The following EPM2A variants were observed in gnomAD, a reference collection of about 807,000 sequenced individuals.
EPM2A encodes the protein EPM2A glucan phosphatase, laforin.
In EPM2A, 21 loss-of-function variants were observed where a neutral mutation model predicts 26.5. That is an observed-to-expected ratio of 0.79 (90% CI 0.56 to 1.14). The LOEUF is 1.14. Among genes scored for constraint, EPM2A ranks in the 50% most tolerant of loss-of-function variants. The pLI is 0.00. For synonymous variants in EPM2A, 217 were observed against 177.6 expected (o/e 1.22, Z -1.76); for missense variants, 458 against 440.8 (o/e 1.04, Z -0.35).
chr6:145,714,558 A>G (rs189061190), intron 1 of EPM2A, among the ~76,000 whole-genome samples: 3 of 152,340 alleles, frequency 2.0e-5, no homozygotes, highest in African/African-American at 7.2e-5. Flanking sequence ...AGACAAGTGT[A>G]TTAGTCCATT....
chr6:145,658,542 T>G (rs1778456130), intron 2 of EPM2A, among the ~76,000 whole-genome samples: 1 of 152,212 alleles, frequency 6.6e-6, no homozygotes, highest in African/African-American at 2.4e-5. Flanking sequence ...CTTACTTCAG[T>G]CTTATTCTGT....
chr6:145,561,353 C>A (rs1252051920), intron 2 of EPM2A, among the ~76,000 whole-genome samples: 1 of 152,024 alleles, frequency 6.6e-6, no homozygotes, highest in African/African-American at 2.4e-5. Flanking sequence ...GACAAAATAG[C>A]CTAACAACAC....
At chr6:145,693,724 A>G (rs1279768669) in intron 1 of EPM2A, among the ~76,000 whole-genome samples, 1 of 152,050 alleles carries the variant, frequency 6.6e-6, no homozygotes, top group Non-Finnish European at 1.5e-5. Context: ...TTAAAAAGTA[A>G]ACATATAAAT....
chr6:145,447,037 T>C (rs1779136488), intron 4 of EPM2A, among the ~76,000 whole-genome samples: 1 of 152,200 alleles, frequency 6.6e-6, no homozygotes, highest in Non-Finnish European at 1.5e-5. Context: ...GTATGTTAAG[T>C]ACTCTGTATT....
At chr6:145,715,327 T>C (rs563768548) in intron 1 of EPM2A, among the ~76,000 whole-genome samples, 1 of 151,868 alleles carries the variant, frequency 6.6e-6, no homozygotes, top group South Asian at 2.1e-4. Context: ...CATATAGACA[T>C]GCCAAAGAAC....
intron 4 of EPM2A, among the ~76,000 whole-genome samples, chr6:145,486,082 G>A (rs889741645): frequency 1.3e-5 from 2 of 152,180 alleles, no homozygotes; most frequent in African/African-American, 4.8e-5. Context: ...GTGAGCTGTG[G>A]GTTGGCTGAG....
At chr6:145,532,447 G>T (rs527845227) in intron 2 of EPM2A, among the ~76,000 whole-genome samples, 215 of 152,252 alleles carry the variant, frequency 1.4e-3, no homozygotes, top group African/African-American at 4.2e-3. Flanking sequence ...TACTCATGTG[G>T]TCCTAAAACT....
chr6:145,410,201 A>T (rs548320277), intron 4 of EPM2A, among the ~76,000 whole-genome samples: 1 of 152,358 alleles, frequency 6.6e-6, no homozygotes, highest in African/African-American at 2.4e-5. Flanking sequence ...ATTGTAGAAA[A>T]GACCTAGAGG....
intron 2 of EPM2A, among the ~76,000 whole-genome samples, chr6:145,536,954 G>C (rs990116258): frequency 6.6e-6 from 1 of 152,182 alleles, no homozygotes; most frequent in Non-Finnish European, 1.5e-5. Context: ...GTTGGCATGG[G>C]AAAGCTGTAG....
intron 4 of EPM2A, chr6:145,491,856 C>T: frequency 5.8e-6 from 3 of 516,328 alleles, no homozygotes; most frequent in South Asian, 4.4e-5. Context: ...TACAAAAGGT[C>T]ATTTTACCAA....
Position 145,735,217 on chromosome 6 carries a change from T to C in EPM2A, c.282A>G (p.Gly94=), listed in dbSNP as rs1454125620. Residue 94 remains glycine (G), a synonymous_variant, in exon 1 of 4, where the codon GGA becomes GGG. Coordinates refer to ENST00000367519, the MANE Select transcript of EPM2A (RefSeq NM_005670.4). ...CAATACCTTCCCAGGAGAGCTCTCC[T>C]CCCGGCTCCCGCTTCAGGAACTTGT... ...FWYKFLKREP[G]GELSWEGNGP... 6.5e-7 allele frequency: 1 copy of C among 1,530,218 alleles called. No homozygotes were observed. The allele number at this position is 1,530,218 out of a possible 1,614,324, so 94.8% of individuals were successfully genotyped here.
intron 4 of EPM2A, among the ~76,000 whole-genome samples, chr6:145,426,735 A>G (rs920344300): frequency 1.3e-5 from 2 of 152,186 alleles, no homozygotes; most frequent in Admixed American, 1.3e-4. Flanking sequence ...ATGAAATTTA[A>G]TTTTTAAAAA....
At chr6:145,717,780 C>A (rs1466363517) in intron 1 of EPM2A, among the ~76,000 whole-genome samples, 1 of 150,426 alleles carries the variant, frequency 6.6e-6, no homozygotes, top group Non-Finnish European at 1.5e-5. Context: ...TCTCAGGATA[C>A]AAAATCAATG....
chr6:145,490,648 T>C, intron 4 of EPM2A: 1 of 632,480 alleles, frequency 1.6e-6, no homozygotes, highest in Non-Finnish European at 3.0e-6. Context: ...TATTTCACAC[T>C]TGAAACTCTC....
chr6:145,417,683 T>G (rs1174466629), intron 4 of EPM2A, among the ~76,000 whole-genome samples: 1 of 152,180 alleles, frequency 6.6e-6, no homozygotes, highest in African/African-American at 2.4e-5. Context: ...AGGGGGTGAC[T>G]TTTTTCTGAA....
chr6:145,651,742 C>T (rs1392672211), intron 2 of EPM2A, among the ~76,000 whole-genome samples: 2 of 152,122 alleles, frequency 1.3e-5, no homozygotes, highest in African/African-American at 4.8e-5. Flanking sequence ...CTAAGATATA[C>T]AGATATCCAG....
chr6:145,581,065 C>A (rs1362989399), intron 2 of EPM2A, among the ~76,000 whole-genome samples: 1 of 152,062 alleles, frequency 6.6e-6, no homozygotes, highest in Non-Finnish European at 1.5e-5. Context: ...AATGTTAATT[C>A]TATTTAAATT....
chr6:145,653,813 T>C (rs914687458), intron 2 of EPM2A, among the ~76,000 whole-genome samples: 4 of 152,202 alleles, frequency 2.6e-5, no homozygotes, highest in Admixed American at 2.0e-4. Context: ...GTACTCTGAT[T>C]GAATCAAAGT....
intron 2 of EPM2A, among the ~76,000 whole-genome samples, chr6:145,587,450 C>T (rs1781212648): frequency 6.6e-6 from 1 of 152,142 alleles, no homozygotes; most frequent in South Asian, 2.1e-4. Flanking sequence ...TTATAATCCA[C>T]AACAGAGGAC....
Sources: gnomAD v4.1 joint callset for allele counts (sites outside exome capture counted in the v4.1 genomes callset) on GRCh38, gnomAD v4.1.1 for gene constraint, MANE v1.5 for transcripts, NCBI Gene and HGNC (gene_info 2026-07-23, HGNC 2026-07-21) for gene names.